TRPM3: variants seen among roughly 807,000 people sequenced by gnomAD.
The protein encoded by TRPM3 is long transient receptor potential channel 3.
In TRPM3, 77 loss-of-function variants were observed where a neutral mutation model predicts 181.2. The ratio of observed to expected loss-of-function variants is 0.42; its 90% CI spans 0.35 to 0.51. The LOEUF is 0.51. TRPM3 is among the 20% of genes least tolerant of loss of function. The pLI is 0.01. For missense variants in TRPM3, 1,759 were observed against 2,196.7 expected (o/e 0.80, Z 3.98); for synonymous variants, 745 against 796.4 (o/e 0.94, Z 1.09).
chr9:70,921,494 C>G (rs1480044401), intron 1 of TRPM3, among the ~76,000 whole-genome samples: 1 of 152,138 alleles, frequency 6.6e-6, no homozygotes, highest in Non-Finnish European at 1.5e-5. Context: ...CTTGAATAGT[C>G]CAGGAAACAG....
At chr9:71,023,287 G>A (rs1295885320) in intron 1 of TRPM3, among the ~76,000 whole-genome samples, 1 of 152,146 alleles carries the variant, frequency 6.6e-6, no homozygotes, top group Admixed American at 6.5e-5. Context: ...ACCACAATGA[G>A]CTGTCACTAC....
At chr9:70,929,253 G>A (rs968689452) in intron 1 of TRPM3, among the ~76,000 whole-genome samples, 2 of 151,550 alleles carry the variant, frequency 1.3e-5, no homozygotes, top group Non-Finnish European at 2.9e-5. Flanking sequence ...CCAGGCTGGA[G>A]TGCAGTGGTG....
At chr9:70,823,190 T>A (rs1469108443) in intron 6 of TRPM3, among the ~76,000 whole-genome samples, 1 of 152,034 alleles carries the variant, frequency 6.6e-6, no homozygotes, top group African/African-American at 2.4e-5. Flanking sequence ...TTCTACTACC[T>A]CCACTGCTGC....
chr9:71,338,183 T>C (rs2090702646), intron 1 of TRPM3, among the ~76,000 whole-genome samples: 1 of 152,126 alleles, frequency 6.6e-6, no homozygotes, highest in African/African-American at 2.4e-5. Flanking sequence ...TTTTTGAACC[T>C]TTGTTTACTT....
At position 71,017,305 on chromosome 9, in the gene TRPM3, A is replaced by G. The variant is rs556483916; in HGVS notation, c.177+103873T>C. On this transcript the variant is annotated intron_variant, in intron 1 of 25. Coordinates refer to ENST00000677713, the MANE Select transcript of TRPM3 (RefSeq NM_001366145.2). ...CTTAAAAGATATAGAATGAACAGAA[A>G]ACAAATAGTATGGTGGCCTATTTGA... Among the ~76,000 whole-genome samples the G allele has an allele frequency of 9.3e-4, 142 of 152,170 alleles. 1 individual carries two copies. The highest frequency in any genetic ancestry group is 1.5e-3 in the Non-Finnish European group (104 of 67,902).
chr9:70,540,588 T>C (rs2043056234), intron 25 of TRPM3, among the ~76,000 whole-genome samples: 1 of 152,210 alleles, frequency 6.6e-6, no homozygotes. Flanking sequence ...TAGCCCCAGC[T>C]ACTCAAGAGG....
chr9:71,261,075 C>T (rs76761053), intron 1 of TRPM3, among the ~76,000 whole-genome samples: 3 of 152,270 alleles, frequency 2.0e-5, no homozygotes, highest in African/African-American at 7.2e-5. Flanking sequence ...GGAAGTTCTC[C>T]TGGATAATAT....
intron 6 of TRPM3, chr9:70,793,673 T>G (rs1276218178): frequency 4.3e-6 from 2 of 470,390 alleles, no homozygotes. Context: ...AAGGTCCACA[T>G]GAGCTGTTTT....
At chr9:71,282,137 AAAG>A (rs2084791618) in intron 1 of TRPM3, among the ~76,000 whole-genome samples, 1 of 148,288 alleles carries the variant, frequency 6.7e-6, no homozygotes, top group African/African-American at 2.6e-5. Context: ...CGAAAGAAAG[AAAG>A]AAAGGAAAGA....
At chr9:71,058,598 A>C (rs1403868497) in intron 1 of TRPM3, among the ~76,000 whole-genome samples, 2 of 152,038 alleles carry the variant, frequency 1.3e-5, no homozygotes, top group Non-Finnish European at 2.9e-5. Context: ...ATGCATTTCT[A>C]TGACATGCTT....
chr9:70,849,963 G>C (rs563594495), intron 3 of TRPM3, among the ~76,000 whole-genome samples: 1 of 152,132 alleles, frequency 6.6e-6, no homozygotes, highest in Non-Finnish European at 1.5e-5. Flanking sequence ...CGCAGAATAT[G>C]AAAGCAGCTT....
At chr9:70,685,617 G>T (rs999912139) in intron 8 of TRPM3, among the ~76,000 whole-genome samples, 1 of 152,124 alleles carries the variant, frequency 6.6e-6, no homozygotes. Context: ...ATGTTGCCCA[G>T]AGCGATCTCA....
At chr9:70,959,583 G>A (rs2097115903) in intron 1 of TRPM3, among the ~76,000 whole-genome samples, 2 of 152,036 alleles carry the variant, frequency 1.3e-5, no homozygotes, top group Admixed American at 1.3e-4. Flanking sequence ...TGTTTTAAAG[G>A]TAAACACAAT....
intron 1 of TRPM3, among the ~76,000 whole-genome samples, chr9:71,250,500 G>T (rs2082281836): frequency 6.6e-6 from 1 of 152,166 alleles, no homozygotes; most frequent in African/African-American, 2.4e-5. Flanking sequence ...ATAATCCAGT[G>T]TAGGTGACAC....
At chr9:70,606,419 A>G (rs1482496877) in intron 19 of TRPM3, among the ~76,000 whole-genome samples, 1 of 151,928 alleles carries the variant, frequency 6.6e-6, no homozygotes, top group Non-Finnish European at 1.5e-5. Flanking sequence ...TGTTTTTTAC[A>G]TCACAGTTAT....
chr9:71,318,560 T>TA (rs1397772833), intron 1 of TRPM3, among the ~76,000 whole-genome samples: 1 of 152,164 alleles, frequency 6.6e-6, no homozygotes, highest in Non-Finnish European at 1.5e-5. Context: ...CCCTCTGTTA[T>TA]AAAAGCAGTT....
chr9:70,954,065 A>C (rs1038851041), intron 1 of TRPM3, among the ~76,000 whole-genome samples: 2 of 152,176 alleles, frequency 1.3e-5, no homozygotes, highest in Non-Finnish European at 2.9e-5. Context: ...TTTTTCAGGA[A>C]GAAACAGGAC....
intron 1 of TRPM3, among the ~76,000 whole-genome samples, chr9:71,320,546 A>G (rs1328854961): frequency 1.3e-5 from 2 of 152,168 alleles, no homozygotes; most frequent in East Asian, 3.9e-4. Flanking sequence ...CCTGACCAGT[A>G]AAATCCAACC....
chr9:71,131,485 C>T (rs1175159298), intron 1 of TRPM3, among the ~76,000 whole-genome samples: 2 of 152,158 alleles, frequency 1.3e-5, no homozygotes, highest in Non-Finnish European at 2.9e-5. Flanking sequence ...CAGATCCTTG[C>T]AGACTGTCTG....
Sources: allele counts gnomAD v4.1 joint callset (sites outside exome capture counted in the v4.1 genomes callset), GRCh38; gene constraint gnomAD v4.1.1; transcripts MANE v1.5; gene names NCBI Gene and HGNC (gene_info 2026-07-23, HGNC 2026-07-21).